Variants in SLC10A7 observed in about 807,000 individuals in gnomAD.
SLC10A7 encodes the protein solute carrier family 10 member 7, also known as sodium/bile acid cotransporter 7.
In SLC10A7, 29 loss-of-function variants were observed where a neutral mutation model predicts 43.2. The observed-to-expected ratio is 0.67, with a 90% confidence interval of 0.50 to 0.92. The LOEUF (loss-of-function observed/expected upper bound fraction) is 0.92. Ranked by LOEUF, SLC10A7 falls within the 40% of genes least tolerant of loss-of-function variation. The pLI, the probability that SLC10A7 is intolerant of heterozygous loss-of-function variation, is 0.00. For synonymous variants in SLC10A7, 152 were observed against 144.8 expected (o/e 1.05, Z -0.35); for missense variants, 295 against 403.2 (o/e 0.73, Z 2.30).
intron 2 of SLC10A7, among the ~76,000 whole-genome samples, chr4:146,516,557 T>C (rs576202419): frequency 3.3e-5 from 5 of 151,570 alleles, no homozygotes; most frequent in African/African-American, 1.2e-4. Flanking sequence ...AAGACATCTA[T>C]TAATATTTAA....
chr4:146,306,150 C>T, intron 6 of SLC10A7, 141 bp from the exon 7 acceptor site: 1 of 503,414 alleles, frequency 2.0e-6, no homozygotes, highest in Non-Finnish European at 3.4e-6. Flanking sequence ...GAAGTTACCT[C>T]TAATTTTCTA....
At chr4:146,329,752 T>A (rs1426021474) in intron 5 of SLC10A7, among the ~76,000 whole-genome samples, 1 of 152,212 alleles carries the variant, frequency 6.6e-6, no homozygotes, top group Non-Finnish European at 1.5e-5. Context: ...GAGTCAAGTT[T>A]TTGCAAATAT....
chr4:146,397,273 T>C (rs1232601371), intron 5 of SLC10A7, among the ~76,000 whole-genome samples: 1 of 152,174 alleles, frequency 6.6e-6, no homozygotes, highest in South Asian at 2.1e-4. Context: ...ACGCTCATTT[T>C]AAAGCAGGGC....
intron 6 of SLC10A7, among the ~76,000 whole-genome samples, chr4:146,306,435 C>G (rs1156893636): frequency 6.6e-6 from 1 of 152,096 alleles, no homozygotes; most frequent in Admixed American, 6.5e-5. Flanking sequence ...TAGTTTCTAA[C>G]TTTCTGACTC....
chr4:146,489,259 G>A (rs968329987), intron 4 of SLC10A7, among the ~76,000 whole-genome samples: 1 of 152,158 alleles, frequency 6.6e-6, no homozygotes, highest in Non-Finnish European at 1.5e-5. Context: ...GTGGATTGAG[G>A]CAGTCTGTTC....
In SLC10A7 at chr4:146,354,348, T is replaced by C. The variant is rs201219046; in HGVS notation, c.436-28352A>G. On this transcript the variant is annotated intron_variant, in intron 5 of 11. Coordinates refer to ENST00000335472, the MANE Select transcript of SLC10A7 (RefSeq NM_001029998.6). ...ACTTACAAGGGATGTGAAGGACCTC[T>C]TCAAGGAGAATTACAAACCACTGCT... Among the ~76,000 whole-genome samples the C allele has an allele frequency of 1.1e-3, 174 of 152,254 alleles. 1 individual carries two copies. In the East Asian group the frequency reaches 0.019, roughly 17 times the overall value.
chr4:146,348,598 A>G (rs1385616383), intron 5 of SLC10A7, among the ~76,000 whole-genome samples: 24 of 152,174 alleles, frequency 1.6e-4, no homozygotes, highest in Admixed American at 1.6e-3. Context: ...TTAAACATCT[A>G]AGAGTCATGT....
At chr4:146,272,978 AT>A (rs997471269) in intron 10 of SLC10A7, among the ~76,000 whole-genome samples, 4 of 152,138 alleles carry the variant, frequency 2.6e-5, no homozygotes, top group African/African-American at 9.7e-5. Context: ...TTACTTTGGA[AT>A]TCCCCTTTCA....
intron 3 of SLC10A7, among the ~76,000 whole-genome samples, chr4:146,505,624 T>C (rs1390091328): frequency 1.3e-5 from 2 of 152,206 alleles, no homozygotes; most frequent in Non-Finnish European, 2.9e-5. Flanking sequence ...AAAAAATGTT[T>C]AAACTCGTTT....
At chr4:146,296,872 C>T (rs924331278) in intron 7 of SLC10A7, among the ~76,000 whole-genome samples, 4 of 152,120 alleles carry the variant, frequency 2.6e-5, no homozygotes, top group Non-Finnish European at 5.9e-5. Context: ...ACTTTATCTT[C>T]TCTTAGTTTA....
chr4:146,489,122 G>A (rs533987726), intron 4 of SLC10A7, among the ~76,000 whole-genome samples: 74 of 152,316 alleles, frequency 4.9e-4, no homozygotes, highest in African/African-American at 1.4e-3. Context: ...CAGAAATGGC[G>A]AAAGCTTCCT....
At chr4:146,393,343 T>G (rs1274069842) in intron 5 of SLC10A7, among the ~76,000 whole-genome samples, 1 of 152,088 alleles carries the variant, frequency 6.6e-6, no homozygotes, top group African/African-American at 2.4e-5. Context: ...TTTACAGATG[T>G]GAAAATGAGT....
At chr4:146,289,865 G>A (rs1359068728) in intron 9 of SLC10A7, among the ~76,000 whole-genome samples, 4 of 150,306 alleles carry the variant, frequency 2.7e-5, no homozygotes, top group South Asian at 2.1e-4. Flanking sequence ...ACAGGTGCAC[G>A]CCACCACGCT....
In SLC10A7 at chr4:146,422,687, C is replaced by T. The variant is rs140376617; in HGVS notation, c.435+20096G>A. ...TTTCGGATTATTATTTTGGATTATA[C>T]TGTATTTTGTCTACAATGTGCTAAT... is the stretch of plus-strand genomic sequence containing the variant. On this transcript the variant is annotated intron_variant, in intron 5 of 11. Coordinates refer to ENST00000335472, the MANE Select transcript of SLC10A7 (RefSeq NM_001029998.6). Among the ~76,000 whole-genome samples the T allele has an allele frequency of 1.1e-3, 172 of 152,154 alleles. 2 individuals carry two copies. Among genetic ancestry groups the T allele is most frequent in the Middle Eastern group, 6.8e-3 (2 of 294 alleles).
chr4:146,391,904 G>A (rs1296050766), intron 5 of SLC10A7, among the ~76,000 whole-genome samples: 1 of 152,148 alleles, frequency 6.6e-6, no homozygotes, highest in Non-Finnish European at 1.5e-5. Context: ...ACCCTAAACA[G>A]TAACTGTGGT....
chr4:146,259,622 A>G (rs1728098589), intron 10 of SLC10A7, among the ~76,000 whole-genome samples: 1 of 152,212 alleles, frequency 6.6e-6, no homozygotes, highest in Non-Finnish European at 1.5e-5. Flanking sequence ...CTGAATGTTT[A>G]AACTCCACAG....
intron 5 of SLC10A7, among the ~76,000 whole-genome samples, chr4:146,359,329 T>A (rs529767299): frequency 1.3e-5 from 2 of 152,276 alleles, no homozygotes; most frequent in African/African-American, 4.8e-5. Context: ...TTGGATTGTA[T>A]GGCTTGCCTT....
At chr4:146,470,473 T>C (rs1733469802) in intron 4 of SLC10A7, among the ~76,000 whole-genome samples, 2 of 151,998 alleles carry the variant, frequency 1.3e-5, no homozygotes, top group Non-Finnish European at 2.9e-5. Context: ...AGACATGCTA[T>C]AAAAGAATTT....
intron 5 of SLC10A7, among the ~76,000 whole-genome samples, chr4:146,352,499 T>C (rs1459308829): frequency 6.7e-6 from 1 of 149,358 alleles, no homozygotes; most frequent in African/African-American, 2.5e-5. Context: ...TCAACAAGGA[T>C]ACCCAGGAAT....
Sources: gnomAD v4.1 joint callset for allele counts (sites outside exome capture counted in the v4.1 genomes callset) on GRCh38, gnomAD v4.1.1 for gene constraint, MANE v1.5 for transcripts, NCBI Gene and HGNC (gene_info 2026-07-23, HGNC 2026-07-21) for gene names.